NKAIN2: variants seen among roughly 807,000 people sequenced by gnomAD.
NKAIN2 encodes the protein sodium/potassium-transporting ATPase subunit beta-1-interacting protein 2.
NKAIN2 carries 14 observed loss-of-function variants against 32.6 expected under a neutral mutation model. The ratio of observed to expected loss-of-function variants is 0.43; its 90% CI spans 0.28 to 0.67. NKAIN2 has a LOEUF of 0.67. Among genes scored for constraint, NKAIN2 ranks in the 30% least tolerant of loss-of-function variants. The pLI, the probability that NKAIN2 is intolerant of heterozygous loss-of-function variation, is 0.17. For synonymous variants in NKAIN2, 80 were observed against 87.2 expected (o/e 0.92, Z 0.46); for missense variants, 198 against 258.3 (o/e 0.77, Z 1.60).
chr6:124,186,278 GAA>G (rs1789737359), intron 1 of NKAIN2, among the ~76,000 whole-genome samples: 1 of 151,974 alleles, frequency 6.6e-6, no homozygotes, highest in African/African-American at 2.4e-5. Flanking sequence ...AAAGGAGAAA[GAA>G]AGAGAGAGAG....
intron 1 of NKAIN2, among the ~76,000 whole-genome samples, chr6:124,181,997 A>G (rs1010485144): frequency 2.0e-5 from 3 of 152,192 alleles, no homozygotes; most frequent in Non-Finnish European, 2.9e-5. Flanking sequence ...TCTGTTCTCT[A>G]ATAAAGACAT....
At chr6:123,895,322 C>A (rs57264168) in intron 1 of NKAIN2, among the ~76,000 whole-genome samples, 2,114 of 152,236 alleles carry the variant, frequency 0.014, 50 homozygotes, top group African/African-American at 0.048. Context: ...TTACTGCCAG[C>A]TGACTACATC....
intron 1 of NKAIN2, among the ~76,000 whole-genome samples, chr6:124,118,463 A>G (rs1785724865): frequency 2.7e-5 from 4 of 150,380 alleles, no homozygotes; most frequent in Non-Finnish European, 1.5e-5. Flanking sequence ...TGAAGTGGTC[A>G]TGCTATTAAT....
chr6:124,283,187 A>C lies in NKAIN2; in HGVS notation c.192+45A>C, dbSNP rs189000178. 148 of 1,410,844 alleles carry C rather than the reference A, an allele frequency of 1.0e-4. No individual in the cohort carries two copies. The African/African-American group carries it at 1.8e-3, about 17-fold the overall frequency. 87.4% of individuals were successfully genotyped at this position (1,410,844 alleles called of 1,614,324 possible). A position where few individuals can be genotyped will look rare whatever the true frequency, so the allele number is the denominator to read the frequency against. ...TTTAAAAATCTTATTGAACTAGAGA[A>C]TGATGTGCAAACTCCAAATGCCTTG... On this transcript the variant is annotated intron_variant, in intron 2 of 6. Coordinates refer to ENST00000368417, the MANE Select transcript of NKAIN2 (RefSeq NM_001040214.3).
intron 1 of NKAIN2, among the ~76,000 whole-genome samples, chr6:123,846,706 T>G (rs986527679): frequency 6.6e-6 from 1 of 152,186 alleles, no homozygotes; most frequent in Non-Finnish European, 1.5e-5. Context: ...GCACGTGGTC[T>G]TCTTGTCATT....
chr6:124,228,730 T>TA (rs1203102590), intron 1 of NKAIN2, among the ~76,000 whole-genome samples: 3 of 152,208 alleles, frequency 2.0e-5, no homozygotes, highest in African/African-American at 7.2e-5. Context: ...TCTGTGTTTT[T>TA]ACTACAGGTC....
At chr6:124,292,744 C>T (rs62434695) in intron 2 of NKAIN2, among the ~76,000 whole-genome samples, 3,191 of 152,158 alleles carry the variant, frequency 0.021, 59 homozygotes, top group Non-Finnish European at 0.032. Context: ...TTCATGCATT[C>T]TGCCAGACCC....
At chr6:124,445,339 G>T (rs1360718047) in intron 3 of NKAIN2, among the ~76,000 whole-genome samples, 1 of 151,916 alleles carries the variant, frequency 6.6e-6, no homozygotes, top group Non-Finnish European at 1.5e-5. Flanking sequence ...AAATTAATTT[G>T]AAAAATACTT....
chr6:124,011,697 T>C (rs1056802078), intron 1 of NKAIN2, among the ~76,000 whole-genome samples: 1 of 152,184 alleles, frequency 6.6e-6, no homozygotes, highest in Non-Finnish European at 1.5e-5. Context: ...AATTGGCCTT[T>C]TCCTCTCTTT....
chr6:124,513,694 G>A (rs950614305), intron 3 of NKAIN2, among the ~76,000 whole-genome samples: 1 of 152,130 alleles, frequency 6.6e-6, no homozygotes, highest in Non-Finnish European at 1.5e-5. Context: ...GTGGAAATAT[G>A]TAATAGTAAC....
chr6:124,651,868 A>C (rs756226350), intron 3 of NKAIN2, among the ~76,000 whole-genome samples: 8 of 152,306 alleles, frequency 5.3e-5, no homozygotes, highest in African/African-American at 1.7e-4. Context: ...TCTTCTAGCC[A>C]TACTGATCTC....
At chr6:123,819,412 T>C (rs1320461469) in intron 1 of NKAIN2, among the ~76,000 whole-genome samples, 2 of 152,198 alleles carry the variant, frequency 1.3e-5, no homozygotes, top group African/African-American at 2.4e-5. Context: ...TAAAGGATTG[T>C]TGAGAACTAA....
chr6:124,680,909 A>G (rs992457898), intron 4 of NKAIN2, among the ~76,000 whole-genome samples: 1 of 151,984 alleles, frequency 6.6e-6, no homozygotes, highest in Non-Finnish European at 1.5e-5. Context: ...CATATTTAAA[A>G]TATACTTCTA....
intron 3 of NKAIN2, among the ~76,000 whole-genome samples, chr6:124,452,111 C>T (rs1240334640): frequency 6.6e-6 from 1 of 151,122 alleles, no homozygotes; most frequent in Non-Finnish European, 1.5e-5. Context: ...AGGAGGACCA[C>T]TTGAGCCTGG....
chr6:123,952,604 C>T (rs902418058), intron 1 of NKAIN2, among the ~76,000 whole-genome samples: 2 of 151,996 alleles, frequency 1.3e-5, no homozygotes, highest in African/African-American at 4.8e-5. Context: ...TTTGTATCTG[C>T]CTGGGTTATA....
intron 1 of NKAIN2, among the ~76,000 whole-genome samples, chr6:123,995,230 A>G (rs1242286522): frequency 6.6e-6 from 1 of 152,222 alleles, no homozygotes; most frequent in Non-Finnish European, 1.5e-5. Context: ...TAGGCATTAT[A>G]GACATCAAGG....
At chr6:124,101,534 AT>A (rs1174086796) in intron 1 of NKAIN2, among the ~76,000 whole-genome samples, 1 of 151,940 alleles carries the variant, frequency 6.6e-6, no homozygotes, top group Non-Finnish European at 1.5e-5. Flanking sequence ...ATTTCTATTA[AT>A]TTATTGTTAT....
At chr6:123,938,451 T>TATACATACAC (rs1562267369) in intron 1 of NKAIN2, among the ~76,000 whole-genome samples, 2 of 81,332 alleles carry the variant, frequency 2.5e-5, no homozygotes, top group African/African-American at 1.4e-4. Flanking sequence ...TATATATATA[T>TATACATACAC]ACACACACAC....
intron 1 of NKAIN2, among the ~76,000 whole-genome samples, chr6:124,251,297 G>T (rs992026581): frequency 8.6e-5 from 13 of 151,762 alleles, no homozygotes; most frequent in African/African-American, 2.4e-4. Flanking sequence ...ACTAAAAAAT[G>T]GAAAAATACA....
Sources: allele counts gnomAD v4.1 joint callset (sites outside exome capture counted in the v4.1 genomes callset), GRCh38; gene constraint gnomAD v4.1.1; transcripts MANE v1.5; gene names NCBI Gene and HGNC (gene_info 2026-07-23, HGNC 2026-07-21).